Variants in ATCAY observed in about 807,000 individuals in gnomAD.
The protein encoded by ATCAY is ATCAY kinesin light chain interacting caytaxin.
A neutral mutation model predicts 47.7 loss-of-function variants in ATCAY; 22 were observed. The ratio of observed to expected loss-of-function variants is 0.46; its 90% CI spans 0.33 to 0.66. The LOEUF (loss-of-function observed/expected upper bound fraction) is 0.66. Ranked by LOEUF, ATCAY falls within the 30% of genes least tolerant of loss-of-function variation. The pLI is 0.02. For synonymous variants in ATCAY, 216 were observed against 207.6 expected, an observed-to-expected ratio of 1.04 and a Z score of -0.35; for missense variants, 452 against 515.0, an observed-to-expected ratio of 0.88 and a Z score of 1.18.
Position 3,905,594 on chromosome 19 carries a change from G to A in ATCAY, c.297G>A (p.Glu99=), listed in dbSNP as rs1219353093. The A allele has an allele frequency of 6.2e-7, 1 of 1,613,674 alleles. No individual in the cohort carries two copies. The highest frequency in any genetic ancestry group is 1.3e-5 in the African/African-American group (1 of 74,876). Residue 99 remains glutamate, a synonymous_variant, in exon 4 of 13, where the codon GAG becomes GAA. Transcript: ENST00000450849. ...DDLDINVDDI[E]TPDETDSLEF... ...TGGATATTAACGTGGATGACATCGAGACCCCCGATGAGACCGACTCGCTGG... is the reference window on the plus strand; with the variant it reads ...TGGATATTAACGTGGATGACATCGAAACCCCCGATGAGACCGACTCGCTGG...
intron 2 of ATCAY, among the ~76,000 whole-genome samples, chr19:3,888,989 G>A (rs1280452744): frequency 6.6e-6 from 1 of 152,156 alleles, no homozygotes; most frequent in Admixed American, 6.6e-5. Flanking sequence ...GAGAATCACG[G>A]CTGGGAGCGG....
chr19:3,918,066 C>T (rs1156534084), intron 10 of ATCAY, among the ~76,000 whole-genome samples: 10 of 152,102 alleles, frequency 6.6e-5, no homozygotes, highest in East Asian at 1.9e-4. Flanking sequence ...ACAGACTTCA[C>T]GCTCCATAAA....
chr19:3,909,399 A>C, intron 6 of ATCAY, 87 bp from the exon 7 acceptor site: 1 of 1,488,508 alleles, frequency 6.7e-7, no homozygotes, highest in Non-Finnish European at 9.1e-7. Flanking sequence ...CAGCGGCAGG[A>C]GTGGAGGCAG....
In ATCAY at chr19:3,920,991, G is replaced by A. The variant is rs73530347; in HGVS notation, c.1106+193G>A. 951 of 690,812 alleles carry A rather than the reference G, an allele frequency of 1.4e-3. 9 individuals carry two copies. The African/African-American group carries it at 0.015, about 11-fold the overall frequency. 42.8% of individuals were successfully genotyped at this position (690,812 alleles called of 1,614,324 possible). On this transcript the variant is annotated intron_variant, in intron 12 of 12. Coordinates refer to ENST00000450849, the MANE Select transcript of ATCAY (RefSeq NM_033064.5). ...GGGGATACGGCACCGGGAAGGCAGGGAGGTAGTGGTTCCCTTAACCAGTCA... is the reference window on the plus strand; with the variant it reads ...GGGGATACGGCACCGGGAAGGCAGGAAGGTAGTGGTTCCCTTAACCAGTCA...
intron 9 of ATCAY, among the ~76,000 whole-genome samples, chr19:3,915,951 A>G (rs531888488): frequency 6.6e-6 from 1 of 151,988 alleles, no homozygotes; most frequent in East Asian, 1.9e-4. Context: ...CGGCCTCACA[A>G]AGTGCTGGGA....
At chr19:3,897,363 G>T (rs1470120428) in intron 2 of ATCAY, among the ~76,000 whole-genome samples, 1 of 150,970 alleles carries the variant, frequency 6.6e-6, no homozygotes, top group Non-Finnish European at 1.5e-5. Flanking sequence ...GCAGTGGCTC[G>T]ATCATGGCTC....
At chr19:3,896,635 G>A (rs1247383702) in intron 2 of ATCAY, among the ~76,000 whole-genome samples, 4 of 152,152 alleles carry the variant, frequency 2.6e-5, no homozygotes, top group Admixed American at 1.3e-4. Flanking sequence ...CACAGCCTAC[G>A]TAGAGTCTGT....
chr19:3,920,674 T>A (rs1369947023), intron 11 of ATCAY, 92 bp from the exon 12 acceptor site: 5 of 1,136,992 alleles, frequency 4.4e-6, no homozygotes, highest in Non-Finnish European at 5.9e-6. Context: ...AATAAATAAA[T>A]AAAAATAAAA....
At chr19:3,917,155 T>C (rs1568452903) in intron 9 of ATCAY, among the ~76,000 whole-genome samples, 1 of 152,006 alleles carries the variant, frequency 6.6e-6, no homozygotes, top group Non-Finnish European at 1.5e-5. Context: ...CCAGGTGTGG[T>C]GGCTCATGCC....
chr19:3,882,037 C>T (rs2145215473), intron 1 of ATCAY, among the ~76,000 whole-genome samples: 1 of 152,100 alleles, frequency 6.6e-6, no homozygotes, highest in South Asian at 2.1e-4. Context: ...CCCCCACTTC[C>T]TCATCTGGCT....
intron 2 of ATCAY, among the ~76,000 whole-genome samples, chr19:3,895,428 T>C (rs1156341813): frequency 6.6e-6 from 1 of 152,170 alleles, no homozygotes; most frequent in Non-Finnish European, 1.5e-5. Flanking sequence ...TTGGCCAGGC[T>C]GGTCTCGAAC....
At chr19:3,904,270 G>C (rs2038841233) in intron 3 of ATCAY, among the ~76,000 whole-genome samples, 2 of 152,238 alleles carry the variant, frequency 1.3e-5, no homozygotes, top group African/African-American at 4.8e-5. Context: ...GTTGCAGTGA[G>C]CTGAGATCCT....
chr19:3,881,563 A>G (rs991505090), intron 1 of ATCAY, among the ~76,000 whole-genome samples: 2 of 151,910 alleles, frequency 1.3e-5, no homozygotes, highest in Non-Finnish European at 2.9e-5. Flanking sequence ...CCTTGATGTC[A>G]CTGTCTTCTT....
At chr19:3,915,062 C>T (rs1186693590) in intron 9 of ATCAY, among the ~76,000 whole-genome samples, 1 of 152,142 alleles carries the variant, frequency 6.6e-6, no homozygotes, top group Non-Finnish European at 1.5e-5. Flanking sequence ...ATCATCGGCA[C>T]CTCCCCTAGG....
intron 1 of ATCAY, among the ~76,000 whole-genome samples, chr19:3,884,374 C>A (rs2038628737): frequency 6.6e-6 from 1 of 152,062 alleles, no homozygotes; most frequent in African/African-American, 2.4e-5. Flanking sequence ...TCCACACTGC[C>A]TTAGTGAGCC....
At chr19:3,910,703 G>A (rs1382181877) in intron 7 of ATCAY, 100 bp from the exon 8 acceptor site, 8 of 1,192,944 alleles carry the variant, frequency 6.7e-6, no homozygotes, top group Admixed American at 1.8e-5. Context: ...AATGAGCAGA[G>A]TGACGAATGC....
In ATCAY at chr19:3,884,094, G is replaced by A. The variant is rs1024716984; in HGVS notation, c.-41-1633G>A. Among the ~76,000 whole-genome samples, 10 of 152,078 alleles carry A rather than the reference G, an allele frequency of 6.6e-5. No individual in the cohort carries two copies. In the East Asian group the frequency reaches 7.7e-4, roughly 12 times the overall value. On this transcript the variant is annotated intron_variant, in intron 1 of 12. Coordinates refer to ENST00000450849, the MANE Select transcript of ATCAY (RefSeq NM_033064.5). ...TGAGGCAAGAGGATCACCTGAGCCC[G>A]AAAGTTCAAGACCAGCCTGGGTGAC...
At chr19:3,916,435 G>A (rs996399313) in intron 9 of ATCAY, among the ~76,000 whole-genome samples, 1 of 152,146 alleles carries the variant, frequency 6.6e-6, no homozygotes, top group African/African-American at 2.4e-5. Flanking sequence ...ATACCCAAAA[G>A]TGGAATTGCT....
Position 3,884,545 on chromosome 19 carries a change from T to G in ATCAY, c.-41-1182T>G, listed in dbSNP as rs140425816. 2.0e-3 allele frequency among the ~76,000 whole-genome samples: 305 copies of G among 152,208 alleles called. 5 individuals are homozygous for G. The highest frequency in any genetic ancestry group is 7.0e-3 in the African/African-American group (290 of 41,542). On this transcript the variant is annotated intron_variant, in intron 1 of 12. Coordinates refer to ENST00000450849, the MANE Select transcript of ATCAY (RefSeq NM_033064.5). The stretch of plus-strand genomic sequence containing the variant: ...CTGAAGTATATCAGCCATTCACACT[T>G]TAGTATGAATGACTGTTTGGATTTC...
Sources: gnomAD v4.1 joint callset for allele counts (sites outside exome capture counted in the v4.1 genomes callset) on GRCh38, gnomAD v4.1.1 for gene constraint, MANE v1.5 for transcripts, NCBI Gene and HGNC (gene_info 2026-07-23, HGNC 2026-07-21) for gene names.